Variants in NTM observed in about 807,000 individuals in gnomAD.
NTM encodes IgLON family member 2.
Under a neutral mutation model 42.1 loss-of-function variants are expected in NTM, and 13 were observed. The observed-to-expected ratio is 0.31, with a 90% CI of 0.20 to 0.49. NTM has a LOEUF of 0.49. Among genes scored for constraint, NTM ranks in the 20% least tolerant of loss-of-function variants. The pLI, the probability that NTM is intolerant of heterozygous loss-of-function variation, is 0.99. For synonymous variants in NTM, 187 were observed against 179.2 expected (o/e 1.04, Z -0.35); for missense variants, 373 against 452.8 (o/e 0.82, Z 1.60).
chr11:131,856,171 TTTC>T (rs2046077800), intron 1 of NTM, among the ~76,000 whole-genome samples: 2 of 15,426 alleles, frequency 1.3e-4, no homozygotes, highest in Non-Finnish European at 2.1e-4. Flanking sequence ...CTCATCATCC[TTTC>T]TTTCACTCTT....
intron 4 of NTM, among the ~76,000 whole-genome samples, chr11:132,273,686 C>T (rs891169661): frequency 1.3e-5 from 2 of 152,050 alleles, no homozygotes; most frequent in Non-Finnish European, 2.9e-5. Context: ...GTGGGCATAT[C>T]ACATGAGGTC....
In NTM at chr11:132,230,589, G is replaced by T. The variant is rs943695001; in HGVS notation, c.526+18442G>T. On this transcript the variant is annotated intron_variant, in intron 4 of 8. Transcript: ENST00000683400. ...TGCTCACCACTCTCCAAGCAGCCGC[G>T]CCTTGCGCACTTTGCCCACCCTCTC... Among the ~76,000 whole-genome samples the T allele has an allele frequency of 3.9e-5, 6 of 152,218 alleles. 1 individual carries two copies. Among genetic ancestry groups the T allele is most frequent in the South Asian group, 2.1e-4 (1 of 4,826 alleles).
At chr11:131,824,935 G>A (rs1464140666) in intron 1 of NTM, among the ~76,000 whole-genome samples, 5 of 152,202 alleles carry the variant, frequency 3.3e-5, no homozygotes, top group South Asian at 2.1e-4. Flanking sequence ...GAAGGAACAC[G>A]GCATGTACGT....
At chr11:131,456,740 T>C (rs1950932446) in intron 1 of NTM, among the ~76,000 whole-genome samples, 2 of 152,170 alleles carry the variant, frequency 1.3e-5, no homozygotes, top group South Asian at 4.1e-4. Context: ...CATGCCTACA[T>C]TTTGAGTTGG....
chr11:131,610,307 G>A (rs184662516), intron 1 of NTM, among the ~76,000 whole-genome samples: 5 of 152,336 alleles, frequency 3.3e-5, no homozygotes, highest in Admixed American at 3.3e-4. Flanking sequence ...ACCATGGCAG[G>A]AAACCCAGCT....
At chr11:131,904,221 G>C (rs1482552246) in intron 1 of NTM, among the ~76,000 whole-genome samples, 1 of 152,158 alleles carries the variant, frequency 6.6e-6, no homozygotes, top group Non-Finnish European at 1.5e-5. Context: ...AGATCAAACA[G>C]AGACAAAAGT....
chr11:131,751,553 G>A (rs763531465), intron 1 of NTM, among the ~76,000 whole-genome samples: 43 of 150,526 alleles, frequency 2.9e-4, no homozygotes, highest in Non-Finnish European at 4.6e-4. Flanking sequence ...TACTGCCACT[G>A]CACTCTGGCC....
intron 1 of NTM, among the ~76,000 whole-genome samples, chr11:131,604,170 G>A (rs984542710): frequency 1.2e-4 from 18 of 152,190 alleles, no homozygotes; most frequent in African/African-American, 2.2e-4. Flanking sequence ...CCAATTCTTC[G>A]AATCCTCCTC....
chr11:131,599,403 T>C (rs2060270839), intron 1 of NTM, among the ~76,000 whole-genome samples: 1 of 102,314 alleles, frequency 9.8e-6, no homozygotes, highest in African/African-American at 2.7e-5. Flanking sequence ...CACATGGCCC[T>C]GTATAACCCT....
intron 1 of NTM, among the ~76,000 whole-genome samples, chr11:131,570,503 G>A (rs537112399): frequency 1.6e-4 from 25 of 152,276 alleles, no homozygotes; most frequent in African/African-American, 2.9e-4. Context: ...GTGTTTACCC[G>A]TAGGAAACAG....
At chr11:132,239,975 C>CCATCCATCCATCATCCATCCATCCATT (rs1566553844) in intron 4 of NTM, among the ~76,000 whole-genome samples, 2 of 152,022 alleles carry the variant, frequency 1.3e-5, no homozygotes, top group Non-Finnish European at 2.9e-5. Flanking sequence ...ACCCATCCAT[C>CCATCCATCCATCATCCATCCATCCATT]CATCCATCCA....
intron 1 of NTM, among the ~76,000 whole-genome samples, chr11:131,496,103 CAG>C (rs1239442706): frequency 6.6e-6 from 1 of 152,218 alleles, no homozygotes; most frequent in East Asian, 1.9e-4. Flanking sequence ...CAGAAGGAAA[CAG>C]ATCTCTCTCT....
At chr11:131,775,456 T>C (rs1335148484) in intron 1 of NTM, among the ~76,000 whole-genome samples, 2 of 152,182 alleles carry the variant, frequency 1.3e-5, no homozygotes, top group African/African-American at 4.8e-5. Flanking sequence ...TTGGGTGATT[T>C]TTAGACAGCA....
chr11:132,262,185 A>G (rs1025496715), intron 4 of NTM, among the ~76,000 whole-genome samples: 1 of 152,164 alleles, frequency 6.6e-6, no homozygotes, highest in Admixed American at 6.5e-5. Flanking sequence ...CCAGGGCAGT[A>G]GCCCCTTCCA....
At chr11:131,729,523 A>G (rs980153620) in intron 1 of NTM, among the ~76,000 whole-genome samples, 1 of 152,162 alleles carries the variant, frequency 6.6e-6, no homozygotes, top group South Asian at 2.1e-4. Flanking sequence ...CACTACCACT[A>G]TCTAATTCCA....
intron 1 of NTM, among the ~76,000 whole-genome samples, chr11:131,734,429 T>A (rs2080143996): frequency 6.6e-6 from 1 of 152,180 alleles, no homozygotes; most frequent in Non-Finnish European, 1.5e-5. Flanking sequence ...CTTTTCTGCC[T>A]CCTGGTCTCC....
At chr11:132,132,552 A>G (rs2067015172) in intron 2 of NTM, among the ~76,000 whole-genome samples, 1 of 152,190 alleles carries the variant, frequency 6.6e-6, no homozygotes, top group African/African-American at 2.4e-5. Flanking sequence ...TTGGAAAATA[A>G]TAGGGAAGGG....
chr11:131,963,025 G>T (rs189574067), intron 2 of NTM, among the ~76,000 whole-genome samples: 1 of 152,100 alleles, frequency 6.6e-6, no homozygotes, highest in Non-Finnish European at 1.5e-5. Context: ...AGCCTGGGAC[G>T]CCCACTTCCT....
chr11:132,287,861 G>A (rs1030973228), intron 4 of NTM, among the ~76,000 whole-genome samples: 1 of 152,180 alleles, frequency 6.6e-6, no homozygotes, highest in Non-Finnish European at 1.5e-5. Context: ...CACATGAAAA[G>A]CAGGAAAAAC....
Sources: gnomAD v4.1 joint callset for allele counts (sites outside exome capture counted in the v4.1 genomes callset) on GRCh38, gnomAD v4.1.1 for gene constraint, MANE v1.5 for transcripts, NCBI Gene and HGNC (gene_info 2026-07-23, HGNC 2026-07-21) for gene names.